The following UBN1 variants were observed in gnomAD, a reference collection of about 807,000 sequenced individuals.
UBN1 encodes ubinuclein 1.
Under a neutral mutation model 108.5 loss-of-function variants are expected in UBN1, and 17 were observed. That is an observed-to-expected ratio of 0.16 (90% CI 0.11 to 0.24). The LOEUF (loss-of-function observed/expected upper bound fraction) is 0.24. Ranked by LOEUF, UBN1 falls within the 10% of genes least tolerant of loss-of-function variation. UBN1 has a pLI of 1.00. For synonymous variants in UBN1, 726 were observed against 564.2 expected (o/e 1.29, Z -4.07); for missense variants, 1,595 against 1,394.4 (o/e 1.14, Z -2.29).
intron 15 of UBN1, 148 bp downstream of exon 15, chr16:4,875,582 T>G: frequency 8.2e-7 from 1 of 1,224,296 alleles, no homozygotes; most frequent in East Asian, 2.4e-5. Flanking sequence ...GAGACTGGGC[T>G]CCCTGTTCTC....
rs763689559 is a variant in UBN1 at position 4,870,243 on chromosome 16, C to G, written c.1213C>G (p.Gln405Glu). The G allele has an allele frequency of 1.9e-6, 3 of 1,614,242 alleles. No homozygotes were observed. The highest frequency in any genetic ancestry group is 1.1e-5 in the South Asian group (1 of 91,076). Residue 405 changes from glutamine (Q) to glutamate (E), a missense_variant, in exon 9 of 18, where the codon CAG becomes GAG. Gln to Glu is a conservative substitution (Grantham distance 29). This residue lies in a region of UBN1 where 1,398 missense variants were observed against 1,194.7 expected (regional missense o/e 1.17). Coordinates refer to ENST00000262376, the MANE Select transcript of UBN1 (RefSeq NM_001079514.3). The stretch of plus-strand genomic sequence containing the variant: ...GGCGCAGACTCGGGAGCTGAGCAGT[C>G]AGGTCCGCTCTGGGGTGTATGCCTA... ...IEAQTRELSS[Q>E]VRSGVYAYLA...
chr16:4,865,576 C>T (rs1461979523), intron 7 of UBN1, among the ~76,000 whole-genome samples: 2 of 151,922 alleles, frequency 1.3e-5, no homozygotes, highest in South Asian at 2.1e-4. Context: ...GAAGCTGAGG[C>T]GGGAGGATTA....
chr16:4,875,007 C>T lies in UBN1; in HGVS notation c.2597C>T (p.Ser866Leu), dbSNP rs1285509422. ...GCACCAGCCACCTCAGGAGGCCTGTCAGCCTCCAGCAGCAGCTCTCACAAG... is the reference window on the plus strand; with the variant it reads ...GCACCAGCCACCTCAGGAGGCCTGTTAGCCTCCAGCAGCAGCTCTCACAAG... Reference protein sequence around the residue: ...PSAPATSGGLSASSSSSHKTP... With the variant: ...PSAPATSGGLLASSSSSHKTP... The change falls in exon 15 of 18, where the codon TCA (serine) becomes TTA (leucine). Residue 866 changes from serine (S) to leucine (L), a missense_variant. Transcript: ENST00000262376. The T allele has an allele frequency of 6.2e-7, 1 of 1,614,068 alleles. No individual in the cohort carries two copies. Among genetic ancestry groups the T allele is most frequent in the Non-Finnish European group, 8.5e-7 (1 of 1,180,044 alleles).
chr16:4,868,617 A>G (rs2087451460), intron 7 of UBN1, among the ~76,000 whole-genome samples: 1 of 152,196 alleles, frequency 6.6e-6, no homozygotes, highest in Non-Finnish European at 1.5e-5. Context: ...AAGTCCCAGG[A>G]AGAACTGGCA....
chr16:4,851,149 C>T (rs919205956), intron 1 of UBN1, among the ~76,000 whole-genome samples: 1 of 152,284 alleles, frequency 6.6e-6, no homozygotes, highest in Non-Finnish European at 1.5e-5. Flanking sequence ...TCTCCTCATA[C>T]TTTATAGCAT....
At chr16:4,848,735 T>C (rs1473124414) in intron 1 of UBN1, among the ~76,000 whole-genome samples, 1 of 152,222 alleles carries the variant, frequency 6.6e-6, no homozygotes, top group Admixed American at 6.5e-5. Context: ...TTGATAAAAA[T>C]TTAACATAAG....
chr16:4,852,835 T>G (rs2086621446), intron 1 of UBN1, 44 bp from the exon 2 acceptor site: 1 of 1,495,082 alleles, frequency 6.7e-7, no homozygotes. Flanking sequence ...GTAAACTATT[T>G]TATCATCTTC....
chr16:4,880,305 G>A lies in UBN1; in HGVS notation c.*173G>A, dbSNP rs900924856. ...TGATGTGCCTCCCATGGAGGGAGCC[G>A]GGCCCTTGCTGCTCAGGAGGTGCAG... On this transcript the variant is annotated 3_prime_UTR_variant, in exon 18 of 18. Coordinates refer to ENST00000262376, the MANE Select transcript of UBN1 (RefSeq NM_001079514.3). 3.6e-5 allele frequency: 25 copies of A among 694,690 alleles called. No individual in the cohort carries two copies. Among genetic ancestry groups the A allele is most frequent in the Middle Eastern group, 4.2e-4 (1 of 2,378 alleles). The allele number at this position is 694,690 out of a possible 1,614,324, so 43.0% of individuals were successfully genotyped here.
At chr16:4,848,329 A>C (rs1226621552) in intron 1 of UBN1, 119 bp downstream of exon 1, 2 of 152,256 alleles carry the variant, frequency 1.3e-5, no homozygotes, top group Non-Finnish European at 2.9e-5. Flanking sequence ...TTTAAAACTG[A>C]ACCATGAACT....
chr16:4,874,590 C>A lies in UBN1; in HGVS notation c.2180C>A (p.Pro727Gln). The change falls in exon 15 of 18, where the codon CCA becomes CAA. Residue 727 changes from proline (P) to glutamine (Q), a missense_variant. Pro to Gln is a moderately conservative substitution (Grantham distance 76, BLOSUM62 -1). This residue lies in a region of UBN1 where 1,398 missense variants were observed against 1,194.7 expected (regional missense o/e 1.17). Coordinates refer to ENST00000262376, the MANE Select transcript of UBN1 (RefSeq NM_001079514.3). The stretch of plus-strand genomic sequence containing the variant: ...GCGAAGCCTAGTCCTTCTGCTCCAC[C>A]ACCAGCTAGCTCTCTGCAGTCACCC... ...NFAKPSPSAP[P>Q]PASSLQSPLN... 6.2e-7 allele frequency: 1 copy of A among 1,614,236 alleles called. No individual in the cohort carries two copies. Among genetic ancestry groups the A allele is most frequent in the Non-Finnish European group, 8.5e-7 (1 of 1,180,044 alleles).
chr16:4,874,298 G>C lies in UBN1; in HGVS notation c.1888G>C (p.Gly630Arg). ...PIALPSDHQT[G>R]GLSIGASSRE... ...TGCTTTGCCCTCAGATCACCAAACA[G>C]GAGGCCTGAGTATTGGGGCCTCGAG... The change falls in exon 15 of 18, where the codon GGA becomes CGA. Residue 630 changes from glycine (G) to arginine (R), a missense_variant. Gly to Arg is a moderately radical substitution (Grantham distance 125, BLOSUM62 -2). Around this residue, in one of 3 missense-constraint regions of UBN1, gnomAD observed 1,398 missense variants for 1,194.7 expected, o/e 1.17. Transcript: ENST00000262376. 1 of 1,614,108 alleles carries C rather than the reference G, an allele frequency of 6.2e-7. No homozygotes were observed. The highest frequency in any genetic ancestry group is 1.1e-5 in the South Asian group (1 of 91,088).
chr16:4,863,917 AG>A (rs2087191716), intron 7 of UBN1, among the ~76,000 whole-genome samples: 1 of 152,106 alleles, frequency 6.6e-6, no homozygotes, highest in Admixed American at 6.5e-5. Flanking sequence ...AGCTAGCCTT[AG>A]AGGCTATGTG....
chr16:4,868,606 T>C (rs1158111432), intron 7 of UBN1, among the ~76,000 whole-genome samples: 1 of 152,220 alleles, frequency 6.6e-6, no homozygotes, highest in African/African-American at 2.4e-5. Context: ...GTGACTGTTT[T>C]AAGTCCCAGG....
intron 14 of UBN1, 73 bp from the exon 15 acceptor site, chr16:4,874,138 T>C: frequency 6.7e-7 from 1 of 1,487,764 alleles, no homozygotes; most frequent in Non-Finnish European, 8.9e-7. Flanking sequence ...GTTCACATGT[T>C]TGTATCCTCA....
chr16:4,873,186 G>T, intron 14 of UBN1, 113 bp downstream of exon 14: 1 of 1,444,396 alleles, frequency 6.9e-7, no homozygotes, highest in Non-Finnish European at 9.7e-7. Context: ...TCTGGGGACA[G>T]CTGCTCAGGA....
intron 12 of UBN1, chr16:4,872,414 G>A (rs2142258481): frequency 2.1e-6 from 2 of 948,020 alleles, no homozygotes; most frequent in South Asian, 5.0e-5. Flanking sequence ...CCTCTCACCA[G>A]GAATTTGGCT....
chr16:4,852,936 G>T lies in UBN1; in HGVS notation c.19G>T (p.Val7Phe). 1 of 1,614,096 alleles carries T rather than the reference G, an allele frequency of 6.2e-7. No homozygotes were observed. Among genetic ancestry groups the T allele is most frequent in the Non-Finnish European group, 8.5e-7 (1 of 1,180,000 alleles). Reference protein sequence around the residue: MSEPHRVQFTSLPGSLN... With the variant: MSEPHRFQFTSLPGSLN... ...GGTAGCCATGTCGGAGCCCCACAGG[G>T]TCCAGTTCACCTCTCTCCCAGGTTC... The change falls in exon 2 of 18, where the codon GTC (valine) becomes TTC (phenylalanine). Residue 7 changes from valine (V) to phenylalanine (F), a missense_variant. By Grantham distance (50) the Val-to-Phe change is conservative. Around this residue, in one of 3 missense-constraint regions of UBN1, gnomAD observed 181 missense variants for 157.3 expected, o/e 1.15. Coordinates refer to ENST00000262376, the MANE Select transcript of UBN1 (RefSeq NM_001079514.3).
Position 4,874,867 on chromosome 16 carries a change from C to T in UBN1, c.2457C>T (p.Pro819=), listed in dbSNP as rs757666488. ...CTCAGCAGCAGAAAAACTTCACGCC[C>T]CCATCTCCATTTGCCAATAAGCTCC... ...AGTQQQKNFT[P]PSPFANKLQG... The change falls in exon 15 of 18, where the codon CCC becomes CCT. Residue 819 remains proline, a synonymous_variant. Transcript: ENST00000262376. 2.5e-6 allele frequency: 4 copies of T among 1,614,076 alleles called. No homozygotes were observed. Among genetic ancestry groups the T allele is most frequent in the East Asian group, 2.2e-5 (1 of 44,878 alleles).
intron 9 of UBN1, 79 bp downstream of exon 9, chr16:4,870,420 T>G: frequency 6.2e-7 from 1 of 1,609,466 alleles, no homozygotes; most frequent in South Asian, 1.1e-5. Context: ...ATGATGCGTC[T>G]GCTGCCCCAC....
Sources: allele counts gnomAD v4.1 joint callset (sites outside exome capture counted in the v4.1 genomes callset), GRCh38; gene constraint gnomAD v4.1.1; regional missense constraint gnomAD v4.1.1; transcripts MANE v1.5; gene names NCBI Gene and HGNC (gene_info 2026-07-23, HGNC 2026-07-21).